OR7D2: variants seen among roughly 807,000 people sequenced by gnomAD.
OR7D2 encodes olfactory receptor 7D2.
For synonymous variants in OR7D2, 158 were observed against 158.7 expected (o/e 1.00, Z 0.03); for missense variants, 370 against 384.1 (o/e 0.96, Z 0.31).
chr19:9,186,154 G>A lies in OR7D2; in HGVS notation c.373G>A (p.Ala125Thr). 1 of 1,613,976 alleles carries A rather than the reference G, an allele frequency of 6.2e-7. No individual in the cohort carries two copies. The highest frequency in any genetic ancestry group is 8.5e-7 in the Non-Finnish European group (1 of 1,179,988). The change falls in exon 3 of 3, where the codon GCT (alanine) becomes ACT (threonine). Residue 125 changes from alanine (A) to threonine (T), a missense_variant. Transcript: ENST00000641288. ...LTVMAYDRFV[A>T]VCHPLHYMII... ...CGTGATGGCCTATGACCGGTTTGTG[G>A]CTGTCTGCCACCCTCTGCACTATAT...
At chr19:9,185,158 ATGCTACATCAGTAGACTGTAGC>A (rs895750823) in intron 2 of OR7D2, among the ~76,000 whole-genome samples, 1 of 152,218 alleles carries the variant, frequency 6.6e-6, no homozygotes, top group African/African-American at 2.4e-5. Flanking sequence ...TTCCGGATTT[ATGCTACATCAGTAGACTGTAGC>A]TGTTCTTGCT....
chr19:9,179,110 T>G lies in OR7D2; in HGVS notation c.-118T>G, dbSNP rs1054089197. ...AGGAAGACGTCATACCAGCATTTTT[T>G]TTTTTCAAGCAATGTCAGTTGAGTG... On this transcript the variant is annotated 5_prime_UTR_variant, in exon 1 of 3. Transcript: ENST00000641288. 1 of 152,186 alleles carries G rather than the reference T, an allele frequency of 6.6e-6. No individual in the cohort carries two copies. Among genetic ancestry groups the G allele is most frequent in the African/African-American group, 2.4e-5 (1 of 41,420 alleles). 9.4% of individuals were successfully genotyped at this position (152,186 alleles called of 1,614,324 possible).
intron 1 of OR7D2, among the ~76,000 whole-genome samples, 152 bp downstream of exon 1, chr19:9,179,275 T>C (rs2050973998): frequency 1.3e-5 from 2 of 152,170 alleles, no homozygotes; most frequent in South Asian, 4.1e-4. Flanking sequence ...TGGTTATAGA[T>C]GTCTTAAGGC....
chr19:9,182,488 C>CTTTA (rs145113847), intron 2 of OR7D2: 3,511 of 226,802 alleles, frequency 0.015, 78 homozygotes, highest in African/African-American at 0.05. Flanking sequence ...TACATGCATA[C>CTTTA]TTTATTTATT....
intron 1 of OR7D2, among the ~76,000 whole-genome samples, chr19:9,179,733 C>A (rs550300384): frequency 7.2e-5 from 11 of 152,156 alleles, no homozygotes; most frequent in African/African-American, 1.7e-4. Flanking sequence ...CGGCCGGGTG[C>A]AGTGGCTCAT....
intron 2 of OR7D2, 71 bp from the exon 3 acceptor site, chr19:9,185,698 C>A: frequency 1.1e-6 from 1 of 935,912 alleles, no homozygotes; most frequent in Non-Finnish European, 1.6e-6. Context: ...ATCCTTCCAT[C>A]TCAGCCTCCC....
chr19:9,186,519 C>T lies in OR7D2; in HGVS notation c.738C>T (p.Ser246=), dbSNP rs760662630. 9.3e-6 allele frequency: 15 copies of T among 1,613,822 alleles called. No homozygotes were observed. In the South Asian group the frequency reaches 9.9e-5, roughly 11 times the overall value. ...TTTCCACCTGTGGGTCTCACCTCTC[C>T]GTCGTTTCTTTATTTTATGGGACAG... ...KALSTCGSHL[S]VVSLFYGTGI... Residue 246 remains serine (S), a synonymous_variant, in exon 3 of 3, where the codon TCC becomes TCT. Transcript: ENST00000641288.
chr19:9,186,371 C>A lies in OR7D2; in HGVS notation c.590C>A (p.Thr197Lys). The change falls in exon 3 of 3, where the codon ACG (threonine) becomes AAG (lysine). Residue 197 changes from threonine to lysine, a missense_variant. Physicochemically the swap from Thr to Lys is moderately conservative, Grantham distance 78 (BLOSUM62 -1). Coordinates refer to ENST00000641288, the MANE Select transcript of OR7D2 (RefSeq NM_175883.4). ...LACSDTFLNS[T>K]LIYFMTGVLG... ...TGCTCTGATACCTTCCTGAACAGCACGTTGATATACTTTATGACGGGTGTG... is the reference window on the plus strand; with the variant it reads ...TGCTCTGATACCTTCCTGAACAGCAAGTTGATATACTTTATGACGGGTGTG... 1 of 1,613,906 alleles carries A rather than the reference C, an allele frequency of 6.2e-7. No individual in the cohort carries two copies. The highest frequency in any genetic ancestry group is 8.5e-7 in the Non-Finnish European group (1 of 1,179,924).
chr19:9,183,923 A>C (rs1482945572), intron 2 of OR7D2, among the ~76,000 whole-genome samples: 171 of 120,034 alleles, frequency 1.4e-3, no homozygotes, highest in African/African-American at 4.9e-3. Context: ...GCGCCACTGC[A>C]CTCCAGCCTG....
rs528554555 is a variant in OR7D2 at position 9,188,816 on chromosome 19, A to G, written c.*2096A>G. The G allele has an allele frequency of 6.0e-6, 1 of 166,710 alleles. No homozygotes were observed. Among genetic ancestry groups the G allele is most frequent in the Non-Finnish European group, 1.5e-5 (1 of 68,120 alleles). 10.3% of individuals were successfully genotyped at this position (166,710 alleles called of 1,614,324 possible). On this transcript the variant is annotated 3_prime_UTR_variant, in exon 3 of 3. Transcript: ENST00000641288. ...GTATGATTAAAATACGTATTTAAATATAGCTGGTTATATCTCTCTGGTGTC... is the reference window on the plus strand; with the variant it reads ...GTATGATTAAAATACGTATTTAAATGTAGCTGGTTATATCTCTCTGGTGTC...
rs775201881 is a variant in OR7D2 at position 9,186,575 on chromosome 19, C to T, written c.794C>T (p.Thr265Ile). 10 of 1,613,980 alleles carry T rather than the reference C, an allele frequency of 6.2e-6. No homozygotes were observed. Among genetic ancestry groups the T allele is most frequent in the Non-Finnish European group, 7.6e-6 (9 of 1,180,024 alleles). ...GIGVHFTSAV[T>I]HSSQKISVAS... is the part of the protein sequence containing the mutation. ...GGGGTCCACTTCACTTCTGCGGTGA[C>T]TCACTCTTCCCAGAAAATCTCCGTG... Residue 265 changes from threonine to isoleucine, a missense_variant, in exon 3 of 3, where the codon ACT (threonine) becomes ATT (isoleucine). Physicochemically the swap from Thr to Ile is moderately conservative, Grantham distance 89. Coordinates refer to ENST00000641288, the MANE Select transcript of OR7D2 (RefSeq NM_175883.4).
chr19:9,180,911 G>A (rs1435055704), intron 2 of OR7D2, 123 bp downstream of exon 2: 3 of 152,026 alleles, frequency 2.0e-5, no homozygotes, highest in South Asian at 2.1e-4. Context: ...GATCACCTGA[G>A]GTCATGAGTT....
chr19:9,186,356 C>T lies in OR7D2; in HGVS notation c.575C>T (p.Thr192Ile), dbSNP rs780110100. ...ATCCTCCAGCTGGCCTGCTCTGATACCTTCCTGAACAGCACGTTGATATAC... is the reference window on the plus strand; with the variant it reads ...ATCCTCCAGCTGGCCTGCTCTGATATCTTCCTGAACAGCACGTTGATATAC... Reference protein sequence around the residue: ...TYILQLACSDTFLNSTLIYFM... With the variant: ...TYILQLACSDIFLNSTLIYFM... The change falls in exon 3 of 3, where the codon ACC (threonine) becomes ATC (isoleucine). Residue 192 changes from threonine (T) to isoleucine (I), a missense_variant. Transcript: ENST00000641288. 6.2e-7 allele frequency: 1 copy of T among 1,613,918 alleles called. No individual in the cohort carries two copies. The highest frequency in any genetic ancestry group is 1.1e-5 in the South Asian group (1 of 91,028).
At chr19:9,182,053 G>A (rs1294871608) in intron 2 of OR7D2, among the ~76,000 whole-genome samples, 1 of 152,162 alleles carries the variant, frequency 6.6e-6, no homozygotes, top group Non-Finnish European at 1.5e-5. Context: ...TTATAAAATG[G>A]ATATTTAATA....
rs149187864 is a variant in OR7D2 at position 9,187,093 on chromosome 19, G to A, written c.*373G>A. On this transcript the variant is annotated 3_prime_UTR_variant, in exon 3 of 3. Coordinates refer to ENST00000641288, the MANE Select transcript of OR7D2 (RefSeq NM_175883.4). ...GCCACCCATGCCTTTTAGTAGAGAC[G>A]GGGTTTCACCATCTTGGCCAGGCTG... The A allele has an allele frequency of 1.2e-5, 2 of 160,024 alleles. No individual in the cohort carries two copies. The highest frequency in any genetic ancestry group is 4.8e-5 in the African/African-American group (2 of 41,370). The allele number at this position is 160,024 out of a possible 1,614,324, so 9.9% of individuals were successfully genotyped here.
chr19:9,181,011 G>C (rs1385505558), intron 2 of OR7D2, among the ~76,000 whole-genome samples: 1 of 151,932 alleles, frequency 6.6e-6, no homozygotes, highest in African/African-American at 2.4e-5. Flanking sequence ...TGTAGTCATA[G>C]CTACTCAGGA....
Position 9,186,366 on chromosome 19 carries a change from C to G in OR7D2, c.585C>G (p.Asn195Lys). The G allele has an allele frequency of 6.2e-7, 1 of 1,613,974 alleles. No homozygotes were observed. Residue 195 changes from asparagine to lysine, a missense_variant, in exon 3 of 3, where the codon AAC (asparagine) becomes AAG (lysine). By Grantham distance (94) the Asn-to-Lys change is moderately conservative (BLOSUM62 0). Coordinates refer to ENST00000641288, the MANE Select transcript of OR7D2 (RefSeq NM_175883.4). ...LQLACSDTFLNSTLIYFMTGV... is the reference protein window; with the variant it reads ...LQLACSDTFLKSTLIYFMTGV... ...TGGCCTGCTCTGATACCTTCCTGAA[C>G]AGCACGTTGATATACTTTATGACGG...
At chr19:9,182,396 C>A (rs377759586) in intron 2 of OR7D2, 3 of 303,214 alleles carry the variant, frequency 9.9e-6, no homozygotes, top group East Asian at 1.6e-4. Flanking sequence ...CAGCCATCAG[C>A]AGTTCTAGTG....
At chr19:9,182,345 GTTTATTATAATTTA>G in intron 2 of OR7D2, 1 of 219,744 alleles carries the variant, frequency 4.6e-6, no homozygotes, top group Non-Finnish European at 9.4e-6. Flanking sequence ...TGAGTTAACA[GTTTATTATAATTTA>G]TTGTATTTAA....
Sources: allele counts gnomAD v4.1 joint callset (sites outside exome capture counted in the v4.1 genomes callset), GRCh38; gene constraint gnomAD v4.1.1; transcripts MANE v1.5; gene names NCBI Gene and HGNC (gene_info 2026-07-23, HGNC 2026-07-21).